LINGO2: variants seen among roughly 807,000 people sequenced by gnomAD.
LINGO2 encodes the protein leucine-rich repeat and immunoglobulin-like domain-containing nogo receptor-interacting protein 2.
In LINGO2, 14 loss-of-function variants were observed where a neutral mutation model predicts 30.6. The observed-to-expected ratio is 0.46, with a 90% CI of 0.30 to 0.72. LINGO2 has a LOEUF of 0.72. Ranked by LOEUF, LINGO2 falls within the 30% of genes least tolerant of loss-of-function variation. LINGO2 has a pLI of 0.07. For synonymous variants in LINGO2, 317 were observed against 288.5 expected (o/e 1.10, Z -1.00); for missense variants, 729 against 751.7 (o/e 0.97, Z 0.35).
intron 2 of LINGO2, among the ~76,000 whole-genome samples, chr9:28,449,409 A>C (rs1267375249): frequency 6.6e-6 from 1 of 152,116 alleles, no homozygotes; most frequent in Non-Finnish European, 1.5e-5. Flanking sequence ...GATTATGAGC[A>C]ATGTTTAAAA....
the LINGO2 span, among the ~76,000 whole-genome samples, chr9:28,808,352 A>G: frequency 1.3e-5 from 2 of 152,160 alleles, no homozygotes; most frequent in South Asian, 4.1e-4. Context: ...GCTACTTTAT[A>G]GTTTTGTTTT....
chr9:29,033,248 T>A, the LINGO2 span, among the ~76,000 whole-genome samples: 1 of 151,978 alleles, frequency 6.6e-6, no homozygotes, highest in Admixed American at 6.6e-5. Context: ...AAAAGGGAGC[T>A]TTTCTTGATG....
intron 2 of LINGO2, among the ~76,000 whole-genome samples, chr9:28,411,219 C>T (rs951053615): frequency 3.9e-5 from 6 of 151,964 alleles, no homozygotes; most frequent in African/African-American, 1.4e-4. Flanking sequence ...CAGGCAACTC[C>T]AGAGCAAAGT....
chr9:27,960,701 G>A (rs1486242529), intron 5 of LINGO2, among the ~76,000 whole-genome samples: 1 of 135,490 alleles, frequency 7.4e-6, no homozygotes, highest in African/African-American at 2.7e-5. Flanking sequence ...GTTATTTCTT[G>A]CTTTTGAATC....
chr9:28,347,548 C>T (rs1310753218), intron 3 of LINGO2, among the ~76,000 whole-genome samples: 1 of 152,138 alleles, frequency 6.6e-6, no homozygotes, highest in African/African-American at 2.4e-5. Flanking sequence ...GTGACAGTCT[C>T]CTCTGTGCTA....
chr9:29,098,604 A>G, the LINGO2 span, among the ~76,000 whole-genome samples: 138 of 152,230 alleles, frequency 9.1e-4, no homozygotes, highest in African/African-American at 3.2e-3. Context: ...CTAGAAGGCT[A>G]TTGTGGATGG....
chr9:28,430,889 T>C (rs889110017), intron 2 of LINGO2, among the ~76,000 whole-genome samples: 2 of 152,074 alleles, frequency 1.3e-5, no homozygotes, highest in African/African-American at 4.8e-5. Context: ...AGAATCTGCT[T>C]CCCAAGCTCA....
intron 3 of LINGO2, among the ~76,000 whole-genome samples, chr9:28,313,410 G>C (rs1824708387): frequency 6.6e-6 from 1 of 152,160 alleles, no homozygotes; most frequent in Admixed American, 6.5e-5. Context: ...CAAAAGGACA[G>C]TATATAATAT....
intron 1 of LINGO2, among the ~76,000 whole-genome samples, chr9:28,578,610 A>C (rs919624564): frequency 3.3e-5 from 5 of 152,182 alleles, no homozygotes; most frequent in Non-Finnish European, 7.4e-5. Context: ...AAACAAGTCC[A>C]TGTTTCTAAT....
chr9:28,829,262 C>G, the LINGO2 span, among the ~76,000 whole-genome samples: 6 of 152,170 alleles, frequency 3.9e-5, no homozygotes, highest in Non-Finnish European at 8.8e-5. Flanking sequence ...TCCAGGCCCC[C>G]TTCCCGCTGA....
chr9:28,537,769 A>T (rs1015480593), intron 1 of LINGO2, among the ~76,000 whole-genome samples: 2 of 152,010 alleles, frequency 1.3e-5, no homozygotes, highest in Non-Finnish European at 2.9e-5. Flanking sequence ...TAGAGAGAAT[A>T]GGGGAAAAGA....
chr9:28,082,033 T>G (rs1373040438), intron 4 of LINGO2, among the ~76,000 whole-genome samples: 1 of 152,178 alleles, frequency 6.6e-6, no homozygotes, highest in African/African-American at 2.4e-5. Flanking sequence ...TTCTTGATCA[T>G]AAAAACCTCT....
chr9:28,879,250 A>G, the LINGO2 span, among the ~76,000 whole-genome samples: 1 of 146,650 alleles, frequency 6.8e-6, no homozygotes, highest in Non-Finnish European at 1.5e-5. Flanking sequence ...TGCTTCTAGT[A>G]TTATTTTTTA....
At chr9:28,610,436 A>G (rs1825867282) in intron 1 of LINGO2, among the ~76,000 whole-genome samples, 1 of 152,106 alleles carries the variant, frequency 6.6e-6, no homozygotes, top group African/African-American at 2.4e-5. Flanking sequence ...GTAATCCCCA[A>G]TGTACTAATA....
chr9:29,028,427 G>GTGGT, the LINGO2 span, among the ~76,000 whole-genome samples: 7 of 123,876 alleles, frequency 5.7e-5, no homozygotes, highest in Admixed American at 8.0e-5. Context: ...TGTGGGGGGG[G>GTGGT]GTGAGAGAGA....
chr9:28,339,487 A>G (rs77430759), intron 3 of LINGO2, among the ~76,000 whole-genome samples: 3,078 of 152,240 alleles, frequency 0.02, 43 homozygotes, highest in East Asian at 0.03. Context: ...GCAAAATAGT[A>G]AGCTCTCAGT....
Position 28,555,682 on chromosome 9 carries a change from G to A in LINGO2, c.-364-79657C>T, listed in dbSNP as rs181624106. 1.5e-3 allele frequency among the ~76,000 whole-genome samples: 225 copies of A among 152,088 alleles called. 2 individuals are homozygous for A. The highest frequency in any genetic ancestry group is 0.01 in the Middle Eastern group (3 of 294). The stretch of plus-strand genomic sequence containing the variant: ...ATCATTCTGATACCAAAGCCGGGCC[G>A]AGACACAACCAAAAAAGCGAATTTT... On this transcript the variant is annotated intron_variant, in intron 1 of 5. Coordinates refer to ENST00000379992, the Ensembl canonical transcript of LINGO2.
the LINGO2 span, among the ~76,000 whole-genome samples, chr9:28,741,805 GC>G: frequency 2.0e-5 from 3 of 151,642 alleles, no homozygotes; most frequent in African/African-American, 7.3e-5. Context: ...TGCGTGTGCT[GC>G]CCTGATGAGT....
intron 3 of LINGO2, among the ~76,000 whole-genome samples, chr9:28,372,525 T>A (rs1346661296): frequency 6.6e-6 from 1 of 152,138 alleles, no homozygotes; most frequent in Non-Finnish European, 1.5e-5. Context: ...AATGGAATGA[T>A]GATAGTCAAA....
Sources: allele counts gnomAD v4.1 joint callset (sites outside exome capture counted in the v4.1 genomes callset), GRCh38; gene constraint gnomAD v4.1.1; transcripts MANE v1.5; gene names NCBI Gene and HGNC (gene_info 2026-07-23, HGNC 2026-07-21).